GRPR: variants seen among roughly 807,000 people sequenced by gnomAD.
The protein encoded by GRPR is gastrin releasing peptide receptor, also known as gastrin-releasing peptide receptor.
In GRPR, 4 loss-of-function variants were observed where a neutral mutation model predicts 15.6. That is an observed-to-expected ratio of 0.26 (90% CI 0.13 to 0.59). The LOEUF is 0.59. GRPR is among the 20% of genes least tolerant of loss of function. The pLI is 0.90. For missense variants in GRPR, 270 were observed against 304.1 expected (o/e 0.89, Z 0.83); for synonymous variants, 128 against 126.8 (o/e 1.01, Z -0.06).
At chrX:16,132,276 G>T (rs1009764956) in intron 1 of GRPR, among the ~76,000 whole-genome samples, 1 of 112,369 alleles carries the variant, frequency 8.9e-6, no homozygotes, top group Admixed American at 9.4e-5. Context: ...TAGATGACAA[G>T]AGTTTATCCA....
chrX:16,125,618 A>G (rs1170030068), intron 1 of GRPR, among the ~76,000 whole-genome samples: 1 of 112,477 alleles, frequency 8.9e-6, no homozygotes, highest in African/African-American at 3.2e-5. Context: ...ATGGACAAAT[A>G]AAGATAGTGT....
intron 1 of GRPR, among the ~76,000 whole-genome samples, chrX:16,128,516 A>AAAT (rs397896578): frequency 0.061 from 6,789 of 110,443 alleles, 215 homozygotes; most frequent in Non-Finnish European, 0.092. Flanking sequence ...CTCCATCCCA[A>AAAT]AATAATAATA....
At chrX:16,139,990 A>G (rs1328385054) in intron 1 of GRPR, among the ~76,000 whole-genome samples, 1 of 112,127 alleles carries the variant, frequency 8.9e-6, no homozygotes, top group Non-Finnish European at 1.9e-5. Flanking sequence ...AACGGAGACA[A>G]CATGCTTTCA....
At chrX:16,134,795 G>GA (rs1416502162) in intron 1 of GRPR, among the ~76,000 whole-genome samples, 1 of 110,822 alleles carries the variant, frequency 9.0e-6, no homozygotes, top group Non-Finnish European at 1.9e-5. Flanking sequence ...CCTTAAGGGG[G>GA]AAATGATGCT....
Position 16,123,610 on chromosome X carries a change from TTAGTAAACTGCAGC to T in GRPR, c.-343_-330del, listed in dbSNP as rs746259519. 2.6e-5 allele frequency: 5 copies of T among 194,156 alleles called. No individual in the cohort carries two copies. The East Asian group carries it at 6.2e-4, about 24-fold the overall frequency. 16.0% of individuals were successfully genotyped at this position (194,156 alleles called of 1,213,427 possible). A position where few individuals can be genotyped will look rare whatever the true frequency, so the allele number is the denominator to read the frequency against. ...TGGGAAAATAGCAGGCCAAAAGTTCTTAGTAAACTGCAGCCAGGGAGACTCAGACTAGAATGGAG... is the reference window on the plus strand; with the variant it reads ...TGGGAAAATAGCAGGCCAAAAGTTCTCAGGGAGACTCAGACTAGAATGGAG... On this transcript the variant is annotated 5_prime_UTR_variant, in exon 1 of 3. Transcript: ENST00000380289.
At chrX:16,150,180 G>A in intron 1 of GRPR, 125 bp from the exon 2 acceptor site, 1 of 526,245 alleles carries the variant, frequency 1.9e-6, no homozygotes, top group Non-Finnish European at 3.3e-6. Flanking sequence ...GCACCCTCAG[G>A]ACCCGAAAGT....
chrX:16,142,000 G>A (rs1395133637), intron 1 of GRPR, among the ~76,000 whole-genome samples: 1 of 111,842 alleles, frequency 8.9e-6, no homozygotes, highest in Non-Finnish European at 1.9e-5. Flanking sequence ...CTCTTCAAAT[G>A]GGCAAGTGGC....
intron 1 of GRPR, among the ~76,000 whole-genome samples, chrX:16,126,073 C>T (rs1345306439): frequency 9.0e-6 from 1 of 111,508 alleles, no homozygotes. Flanking sequence ...GGGAACTCTT[C>T]TCTGGAGTTT....
chrX:16,144,342 A>AT (rs1203326173), intron 1 of GRPR, among the ~76,000 whole-genome samples: 2 of 112,003 alleles, frequency 1.8e-5, no homozygotes, highest in Non-Finnish European at 3.8e-5. Context: ...TAGAATTCTA[A>AT]TTTTAAGGCA....
At chrX:16,135,774 A>G (rs1055670831) in intron 1 of GRPR, among the ~76,000 whole-genome samples, 4 of 112,503 alleles carry the variant, frequency 3.6e-5, no homozygotes, top group African/African-American at 1.3e-4. Context: ...CCATGAGTAC[A>G]TATGGGAAAT....
chrX:16,143,860 A>G (rs1468807132), intron 1 of GRPR, among the ~76,000 whole-genome samples: 1 of 111,789 alleles, frequency 8.9e-6, no homozygotes, highest in Non-Finnish European at 1.9e-5. Context: ...CTTTCTAGTT[A>G]TTTTGTTAAC....
chrX:16,126,707 G>GTA (rs1220310830), intron 1 of GRPR, among the ~76,000 whole-genome samples: 3 of 111,975 alleles, frequency 2.7e-5, no homozygotes, highest in Non-Finnish European at 1.9e-5. Flanking sequence ...GTACTCCTTT[G>GTA]TATCTATCTT....
At position 16,152,522 on chromosome X, in the gene GRPR, G is replaced by C; in HGVS notation, c.1032G>C (p.Leu344=). 8.3e-7 allele frequency: 1 copy of C among 1,210,430 alleles called. No homozygotes were observed. Among genetic ancestry groups the C allele is most frequent in the Non-Finnish European group, 1.1e-6 (1 of 894,151 alleles). ...AGCTGCTCTGTTGCCAGCCTGGCCT[G>C]ATCATCCGGTCTCACAGCACTGGAA... ...NTQLLCCQPG[L]IIRSHSTGRS... The change falls in exon 3 of 3, where the codon CTG becomes CTC. Residue 344 remains leucine, a synonymous_variant. Transcript: ENST00000380289.
chrX:16,140,052 C>T (rs2147033905), intron 1 of GRPR, among the ~76,000 whole-genome samples: 1 of 112,002 alleles, frequency 8.9e-6, no homozygotes, highest in Non-Finnish European at 1.9e-5. Context: ...TCCCAGTCTT[C>T]ATCCAGTCCC....
intron 1 of GRPR, among the ~76,000 whole-genome samples, chrX:16,142,914 T>C (rs1268737391): frequency 9.1e-6 from 1 of 110,111 alleles, no homozygotes; most frequent in African/African-American, 3.3e-5. Flanking sequence ...CTTTTCTGTC[T>C]TCTCCCCTTT....
At chrX:16,148,705 T>C (rs1922643370) in intron 1 of GRPR, among the ~76,000 whole-genome samples, 1 of 111,350 alleles carries the variant, frequency 9.0e-6, no homozygotes, top group African/African-American at 3.3e-5. Context: ...CAAATCACAG[T>C]GCTGGCAGAT....
intron 1 of GRPR, among the ~76,000 whole-genome samples, chrX:16,127,997 T>C (rs1922319219): frequency 8.9e-6 from 1 of 112,172 alleles, no homozygotes; most frequent in Non-Finnish European, 1.9e-5. Context: ...TAGCCTCTCA[T>C]ATATTCATTG....
intron 1 of GRPR, among the ~76,000 whole-genome samples, chrX:16,142,306 A>G (rs748852171): frequency 1.8e-5 from 2 of 112,139 alleles, no homozygotes; most frequent in African/African-American, 3.2e-5. Context: ...AAAATTCTAC[A>G]TTTTAGCATA....
At chrX:16,133,604 T>C in intron 1 of GRPR, among the ~76,000 whole-genome samples, 1 of 111,760 alleles carries the variant, frequency 8.9e-6, no homozygotes, top group East Asian at 2.8e-4. Context: ...TGAAAGTGTC[T>C]TTGTTTCATG....
Sources: gnomAD v4.1 joint callset for allele counts (sites outside exome capture counted in the v4.1 genomes callset) on GRCh38, gnomAD v4.1.1 for gene constraint, MANE v1.5 for transcripts, NCBI Gene and HGNC (gene_info 2026-07-23, HGNC 2026-07-21) for gene names.